Variants in SENP5 observed in about 807,000 individuals in gnomAD.
SENP5 encodes the protein SUMO specific peptidase 5.
In SENP5, 21 loss-of-function variants were observed where a neutral mutation model predicts 74.2. The ratio of observed to expected loss-of-function variants is 0.28; its 90% confidence interval spans 0.20 to 0.41. SENP5 has a LOEUF of 0.41. SENP5 is among the 10% of genes least tolerant of loss of function. The probability of loss-of-function intolerance (pLI) is 1.00; values close to 1 mark genes in which losing one functional copy is unlikely to be tolerated. For synonymous variants in SENP5, 311 were observed against 312.7 expected (o/e 0.99, Z 0.06); for missense variants, 717 against 889.1 (o/e 0.81, Z 2.46).
chr3:196,875,846 C>T (rs1713442024), intron 1 of SENP5, among the ~76,000 whole-genome samples: 1 of 152,144 alleles, frequency 6.6e-6, no homozygotes, highest in African/African-American at 2.4e-5. Flanking sequence ...CCTTCCACCT[C>T]ACCCTCCTGA....
At chr3:196,887,811 C>G (rs1003017996) in intron 2 of SENP5, among the ~76,000 whole-genome samples, 5 of 152,160 alleles carry the variant, frequency 3.3e-5, no homozygotes, top group African/African-American at 1.2e-4. Flanking sequence ...CTCTGTCACC[C>G]AGGCTGGAGT....
intron 2 of SENP5, 78 bp from the exon 3 acceptor site, chr3:196,899,570 TGTTAAGTGCTGTGTATAG>T: frequency 2.8e-6 from 2 of 707,224 alleles, no homozygotes; most frequent in Non-Finnish European, 5.1e-6. Context: ...CCACTGTATG[TGTTAAGTGCTGTGTATAG>T]GTTAAGTGTT....
At chr3:196,911,805 G>A (rs911245312) in intron 6 of SENP5, among the ~76,000 whole-genome samples, 5 of 151,072 alleles carry the variant, frequency 3.3e-5, no homozygotes, top group Non-Finnish European at 7.4e-5. Flanking sequence ...GCAAGACTCC[G>A]TCTCAAAAAA....
intron 6 of SENP5, among the ~76,000 whole-genome samples, chr3:196,916,614 A>G (rs1422238155): frequency 6.6e-6 from 1 of 150,852 alleles, no homozygotes; most frequent in African/African-American, 2.4e-5. Flanking sequence ...TGCAACCTCC[A>G]TCTCCCAGGT....
At position 196,873,389 on chromosome 3, in the gene SENP5, G is replaced by A. The variant is rs967228472; in HGVS notation, c.-32+5316G>A. Among the ~76,000 whole-genome samples the A allele has an allele frequency of 2.6e-5, 4 of 151,704 alleles. 1 individual carries two copies. Among genetic ancestry groups the A allele is most frequent in the Non-Finnish European group, 4.4e-5 (3 of 67,944 alleles). ...CGCCCGGCCCCAGCCGAGACTTAACGTCTTTAGATCTTTAAGTCAATCCAC... is the reference window on the plus strand; with the variant it reads ...CGCCCGGCCCCAGCCGAGACTTAACATCTTTAGATCTTTAAGTCAATCCAC... On this transcript the variant is annotated intron_variant, in intron 1 of 9. Coordinates refer to ENST00000323460, the MANE Select transcript of SENP5 (RefSeq NM_152699.5).
In SENP5 at chr3:196,932,026, A is replaced by ACGTAC. The variant is rs1468024659; in HGVS notation, c.*1106_*1107insACCGT. On this transcript the variant is annotated 3_prime_UTR_variant, in exon 10 of 10. Transcript: ENST00000323460. ...TAGTGACCTCAGTAACATGCAGGGT[A>ACGTAC]CGTCTGGCTTCTGCATGGCCAGTGC... 1 of 382,606 alleles carries ACGTAC rather than the reference A, an allele frequency of 2.6e-6. No individual in the cohort carries two copies. The highest frequency in any genetic ancestry group is 5.2e-6 in the Non-Finnish European group (1 of 194,038). 23.7% of individuals were successfully genotyped at this position (382,606 alleles called of 1,614,324 possible). A position where few individuals can be genotyped will look rare whatever the true frequency, so the allele number is the denominator to read the frequency against.
chr3:196,890,574 C>T (rs750299696), intron 2 of SENP5, among the ~76,000 whole-genome samples: 2 of 152,164 alleles, frequency 1.3e-5, no homozygotes, highest in African/African-American at 4.8e-5. Flanking sequence ...AATGCTGATG[C>T]GCTCATGCAG....
At chr3:196,868,800 CGTTA>C (rs1713063577) in intron 1 of SENP5, among the ~76,000 whole-genome samples, 1 of 151,730 alleles carries the variant, frequency 6.6e-6, no homozygotes, top group African/African-American at 2.4e-5. Context: ...AGAAAGCAGA[CGTTA>C]GTTATGAAAT....
rs1577825023 is a variant in SENP5, at chr3:196,903,385, T to C, written c.1807-148T>C. 5.5e-5 allele frequency: 28 copies of C among 512,952 alleles called. No individual in the cohort carries two copies. In the East Asian group the frequency reaches 9.0e-4, roughly 16 times the overall value. 31.8% of individuals were successfully genotyped at this position (512,952 alleles called of 1,614,324 possible). On this transcript the variant is annotated intron_variant, in intron 5 of 9. Transcript: ENST00000323460. ...GAACTCCTGACCCCAGATGATCCAC[T>C]TGCCTCCTCAATCATTGTTTTTATG...
At chr3:196,908,157 G>A (rs1353791198) in intron 6 of SENP5, among the ~76,000 whole-genome samples, 1 of 152,108 alleles carries the variant, frequency 6.6e-6, no homozygotes, top group African/African-American at 2.4e-5. Flanking sequence ...GTGGCAGCCT[G>A]TGGTCCCAGT....
In SENP5 at chr3:196,931,499, C is replaced by G. The variant is rs1484720690; in HGVS notation, c.*576C>G. ...TTTTGAAGGGTGAGATGGAAGTGGT[C>G]GTAAACTGACTGGTGTCTTCTGTTT... On this transcript the variant is annotated 3_prime_UTR_variant, in exon 10 of 10. Coordinates refer to ENST00000323460, the MANE Select transcript of SENP5 (RefSeq NM_152699.5). 1 of 192,792 alleles carries G rather than the reference C, an allele frequency of 5.2e-6. No homozygotes were observed. The highest frequency in any genetic ancestry group is 2.4e-5 in the African/African-American group (1 of 41,552). 11.9% of individuals were successfully genotyped at this position (192,792 alleles called of 1,614,324 possible).
At chr3:196,916,553 G>C (rs1232841568) in intron 6 of SENP5, among the ~76,000 whole-genome samples, 1 of 148,862 alleles carries the variant, frequency 6.7e-6, no homozygotes, top group Non-Finnish European at 1.5e-5. Flanking sequence ...TAAAGACAGA[G>C]TTTCCCTCTT....
intron 2 of SENP5, among the ~76,000 whole-genome samples, chr3:196,898,729 A>G (rs1292169054): frequency 6.6e-6 from 1 of 152,024 alleles, no homozygotes; most frequent in Non-Finnish European, 1.5e-5. Flanking sequence ...CCTGGCTAAC[A>G]CGGTGAAACC....
chr3:196,881,061 C>G (rs1713707510), intron 1 of SENP5, among the ~76,000 whole-genome samples: 1 of 152,148 alleles, frequency 6.6e-6, no homozygotes, highest in Non-Finnish European at 1.5e-5. Context: ...ATCCACCCAC[C>G]TCAGCCTTCT....
intron 2 of SENP5, among the ~76,000 whole-genome samples, chr3:196,898,178 T>TAA (rs59960385): frequency 1.4e-5 from 2 of 143,360 alleles, no homozygotes; most frequent in African/African-American, 2.6e-5. Context: ...GGCTTTGTCT[T>TAA]AAAAAAAAAG....
intron 2 of SENP5, among the ~76,000 whole-genome samples, chr3:196,890,344 A>G (rs951187937): frequency 6.6e-6 from 1 of 152,224 alleles, no homozygotes; most frequent in African/African-American, 2.4e-5. Context: ...GGGGTGCTGA[A>G]TGCTGGCTTG....
chr3:196,890,602 T>C (rs982241611), intron 2 of SENP5, among the ~76,000 whole-genome samples: 1 of 152,194 alleles, frequency 6.6e-6, no homozygotes, highest in African/African-American at 2.4e-5. Flanking sequence ...GCAAAAGATT[T>C]GAGGGCGTGC....
At chr3:196,928,554 T>G (rs1312163058) in intron 8 of SENP5, among the ~76,000 whole-genome samples, 2 of 152,132 alleles carry the variant, frequency 1.3e-5, no homozygotes, top group Non-Finnish European at 2.9e-5. Flanking sequence ...GAAGCCCAGG[T>G]GTGATTTTCC....
At chr3:196,907,840 C>T (rs539258492) in intron 6 of SENP5, among the ~76,000 whole-genome samples, 8 of 151,712 alleles carry the variant, frequency 5.3e-5, no homozygotes, top group East Asian at 3.9e-4. Context: ...GCATGCTGCC[C>T]GTGGGCTGTG....
Sources: gnomAD v4.1 joint callset for allele counts (sites outside exome capture counted in the v4.1 genomes callset) on GRCh38, gnomAD v4.1.1 for gene constraint, MANE v1.5 for transcripts, NCBI Gene and HGNC (gene_info 2026-07-23, HGNC 2026-07-21) for gene names.